The following ALG14 variants were observed in gnomAD, a reference collection of about 807,000 sequenced individuals.
ALG14 encodes the protein UDP-N-acetylglucosamine transferase subunit ALG14.
ALG14 carries 17 observed loss-of-function variants against 22.8 expected under a neutral mutation model. That is an observed-to-expected ratio of 0.75 (90% CI 0.51 to 1.12). The LOEUF is 1.12. Ranked by LOEUF, ALG14 falls within the 50% of genes most tolerant of loss-of-function variation. The pLI is 0.00. For synonymous variants in ALG14, 89 were observed against 103.7 expected (o/e 0.86, Z 0.86); for missense variants, 288 against 271.8 (o/e 1.06, Z -0.42).
rs1052011698 is a variant in ALG14, at chr1:94,975,245, C to G, written c.*7831G>C. ...GACATTTCATATGAATAGAATCATGCATTTGTTGTCTTTTGTGGCTGGCTT... is the reference window on the plus strand; with the variant it reads ...GACATTTCATATGAATAGAATCATGGATTTGTTGTCTTTTGTGGCTGGCTT... On this transcript the variant is annotated 3_prime_UTR_variant, in exon 4 of 4. Coordinates refer to ENST00000370205, the MANE Select transcript of ALG14 (RefSeq NM_144988.4). 6.6e-6 allele frequency: 1 copy of G among 152,206 alleles called. No homozygotes were observed. The highest frequency in any genetic ancestry group is 1.5e-5 in the Non-Finnish European group (1 of 68,060). 9.4% of individuals were successfully genotyped at this position (152,206 alleles called of 1,614,324 possible).
chr1:94,989,182 C>A (rs1298147354), intron 3 of ALG14, among the ~76,000 whole-genome samples: 1 of 152,088 alleles, frequency 6.6e-6, no homozygotes, highest in Non-Finnish European at 1.5e-5. Context: ...TTGTTATGAA[C>A]ATCTTTGTGT....
At chr1:95,061,285 TA>T (rs1354620814) in intron 2 of ALG14, among the ~76,000 whole-genome samples, 1 of 152,130 alleles carries the variant, frequency 6.6e-6, no homozygotes, top group Non-Finnish European at 1.5e-5. Context: ...TATTGATTCC[TA>T]AAACAAAAAC....
In ALG14 at chr1:94,981,810, T is replaced by C. The variant is rs1004181681; in HGVS notation, c.*1266A>G. ...TATTGTACTTCTATTCCAGTAGACA[T>C]GGCACCACTAGAAACACAGTCTCAA... On this transcript the variant is annotated 3_prime_UTR_variant, in exon 4 of 4. Transcript: ENST00000370205. 4 of 151,768 alleles carry C rather than the reference T, an allele frequency of 2.6e-5. No homozygotes were observed. Among genetic ancestry groups the C allele is most frequent in the Admixed American group, 6.6e-5 (1 of 15,230 alleles). The allele number at this position is 151,768 out of a possible 1,614,324, so 9.4% of individuals were successfully genotyped here.
intron 3 of ALG14, among the ~76,000 whole-genome samples, chr1:95,010,360 A>G (rs1351956144): frequency 6.6e-6 from 1 of 152,222 alleles, no homozygotes; most frequent in Non-Finnish European, 1.5e-5. Context: ...CCTACTTCCA[A>G]ATGCAGCTGA....
At chr1:95,058,990 G>A (rs573224657) in intron 2 of ALG14, among the ~76,000 whole-genome samples, 5 of 151,948 alleles carry the variant, frequency 3.3e-5, no homozygotes, top group Admixed American at 3.3e-4. Flanking sequence ...CACAAATAAG[G>A]TTTTTGGCTA....
At chr1:95,024,359 G>A (rs987153032) in intron 3 of ALG14, among the ~76,000 whole-genome samples, 23 of 152,132 alleles carry the variant, frequency 1.5e-4, no homozygotes, top group Non-Finnish European at 2.5e-4. Context: ...TTTCCCTGAA[G>A]CCAAAGTATA....
At chr1:94,988,720 G>C (rs1672700399) in intron 3 of ALG14, among the ~76,000 whole-genome samples, 1 of 152,212 alleles carries the variant, frequency 6.6e-6, no homozygotes, top group South Asian at 2.1e-4. Flanking sequence ...TAAGTATTCA[G>C]AGTATTTGGT....
intron 3 of ALG14, among the ~76,000 whole-genome samples, chr1:95,001,420 G>A (rs1673064198): frequency 6.6e-6 from 1 of 152,138 alleles, no homozygotes; most frequent in Non-Finnish European, 1.5e-5. Context: ...AACCTAGGGT[G>A]GCTGCATATA....
chr1:94,987,919 C>T (rs973805940), intron 3 of ALG14, among the ~76,000 whole-genome samples: 1 of 152,118 alleles, frequency 6.6e-6, no homozygotes, highest in Non-Finnish European at 1.5e-5. Flanking sequence ...AAGCAGAGTC[C>T]AACTCTAAGG....
At chr1:95,063,832 G>A (rs2100839062) in intron 2 of ALG14, among the ~76,000 whole-genome samples, 1 of 152,264 alleles carries the variant, frequency 6.6e-6, no homozygotes, top group Non-Finnish European at 1.5e-5. Flanking sequence ...GTAAATGGTG[G>A]TTTAATGGGA....
intron 2 of ALG14, among the ~76,000 whole-genome samples, chr1:95,028,066 C>T (rs1673877888): frequency 6.6e-6 from 1 of 152,186 alleles, no homozygotes; most frequent in Non-Finnish European, 1.5e-5. Flanking sequence ...GTGAATCATG[C>T]AAGTTGGAAG....
At chr1:95,051,538 C>T (rs1442471203) in intron 2 of ALG14, among the ~76,000 whole-genome samples, 3 of 152,130 alleles carry the variant, frequency 2.0e-5, no homozygotes, top group Non-Finnish European at 2.9e-5. Flanking sequence ...TACCTAAAGC[C>T]TCCCAATGGC....
At chr1:94,989,243 G>C (rs974668132) in intron 3 of ALG14, among the ~76,000 whole-genome samples, 1 of 152,192 alleles carries the variant, frequency 6.6e-6, no homozygotes, top group Non-Finnish European at 1.5e-5. Flanking sequence ...ATATACCAGA[G>C]TTCTTGCTGA....
intron 3 of ALG14, among the ~76,000 whole-genome samples, chr1:95,024,417 TTAAA>T (rs1673754001): frequency 6.6e-6 from 1 of 152,208 alleles, no homozygotes; most frequent in Non-Finnish European, 1.5e-5. Context: ...ACCTGCTGCA[TTAAA>T]GATATTTTTT....
intron 2 of ALG14, among the ~76,000 whole-genome samples, chr1:95,040,632 C>A (rs11165290): frequency 0.18 from 27,119 of 152,118 alleles, 3,049 homozygotes; most frequent in East Asian, 0.58. Flanking sequence ...AATTCCAAAA[C>A]AGGCCATGTC....
intron 2 of ALG14, among the ~76,000 whole-genome samples, chr1:95,050,051 T>C (rs1030505732): frequency 6.6e-6 from 1 of 152,222 alleles, no homozygotes; most frequent in Admixed American, 6.5e-5. Flanking sequence ...TCTGGGAAGC[T>C]CTCTGTGTTT....
intron 3 of ALG14, among the ~76,000 whole-genome samples, chr1:95,016,448 A>G (rs1168931670): frequency 6.6e-6 from 1 of 152,226 alleles, no homozygotes; most frequent in Non-Finnish European, 1.5e-5. Context: ...GAGAATGACC[A>G]TTGAATAATA....
At position 95,060,454 on chromosome 1, in the gene ALG14, C is replaced by T. The variant is rs139287430; in HGVS notation, c.288+4412G>A. 1.1e-3 allele frequency among the ~76,000 whole-genome samples: 167 copies of T among 152,168 alleles called. No individual in the cohort carries two copies. The East Asian group carries it at 0.025, about 22-fold the overall frequency. ...AAATCTGGCTGGGCACAGTGGCTCACGCCTGTAATCCCAGCACTTTGGAAG... is the reference window on the plus strand; with the variant it reads ...AAATCTGGCTGGGCACAGTGGCTCATGCCTGTAATCCCAGCACTTTGGAAG... On this transcript the variant is annotated intron_variant, in intron 2 of 3. Transcript: ENST00000370205.
rs979705997 is a variant in ALG14 at position 94,982,651 on chromosome 1, C to G, written c.*425G>C. 6.9e-5 allele frequency: 8 copies of G among 116,784 alleles called. No individual in the cohort carries two copies. Among genetic ancestry groups the G allele is most frequent in the Admixed American group, 3.7e-4 (3 of 8,150 alleles). The allele number at this position is 116,784 out of a possible 1,614,324, so 7.2% of individuals were successfully genotyped here. On this transcript the variant is annotated 3_prime_UTR_variant, in exon 4 of 4. Coordinates refer to ENST00000370205, the MANE Select transcript of ALG14 (RefSeq NM_144988.4). ...AAAGCCTTTTGTATCTGAACCAAAACTCAGAAATACTTTTTTTCTCTCTTC... is the reference window on the plus strand; with the variant it reads ...AAAGCCTTTTGTATCTGAACCAAAAGTCAGAAATACTTTTTTTCTCTCTTC...
Sources: allele counts gnomAD v4.1 joint callset (sites outside exome capture counted in the v4.1 genomes callset), GRCh38; gene constraint gnomAD v4.1.1; transcripts MANE v1.5; gene names NCBI Gene and HGNC (gene_info 2026-07-23, HGNC 2026-07-21).